Variants in SIL1 observed in about 807,000 individuals in gnomAD.
SIL1 encodes nucleotide exchange factor SIL1.
SIL1 carries 40 observed loss-of-function variants against 49.1 expected under a neutral mutation model. That is an observed-to-expected ratio of 0.81 (90% CI 0.63 to 1.06). The LOEUF is 1.06. SIL1 is among the 50% of genes least tolerant of loss of function. The pLI is 0.00. For missense variants in SIL1, 500 were observed against 572.6 expected (o/e 0.87, Z 1.29); for synonymous variants, 253 against 250.8 (o/e 1.01, Z -0.08).
chr5:138,961,191 A>T (rs1463749810), intron 7 of SIL1, among the ~76,000 whole-genome samples: 2 of 152,226 alleles, frequency 1.3e-5, no homozygotes, highest in Non-Finnish European at 2.9e-5. Context: ...AAACCAGAAC[A>T]GTTGCCCATT....
chr5:139,098,779 T>G (rs1374388374), intron 3 of SIL1, among the ~76,000 whole-genome samples: 3 of 147,246 alleles, frequency 2.0e-5, no homozygotes, highest in Non-Finnish European at 4.5e-5. Context: ...CAAAAAAATG[T>G]GCAAAAGATT....
At chr5:139,004,308 T>A (rs1312988947) in intron 7 of SIL1, among the ~76,000 whole-genome samples, 1 of 152,172 alleles carries the variant, frequency 6.6e-6, no homozygotes, top group East Asian at 1.9e-4. Flanking sequence ...GCCTCTGTTT[T>A]TATAACCCAG....
In SIL1 at chr5:138,996,777, C is replaced by T. The variant is rs190964626; in HGVS notation, c.767+24394G>A. ...TTGTGATCCGCCTGCCTCGACCTCC[C>T]AAAGTGCTGGGATTACAGGTGTGAG... On this transcript the variant is annotated intron_variant, in intron 7 of 9. Coordinates refer to ENST00000394817, the MANE Select transcript of SIL1 (RefSeq NM_022464.5). 4.0e-3 allele frequency among the ~76,000 whole-genome samples: 609 copies of T among 152,158 alleles called. 6 individuals carry two copies. The highest frequency in any genetic ancestry group is 9.6e-3 in the African/African-American group (398 of 41,522).
At chr5:138,976,313 T>TC in intron 7 of SIL1, among the ~76,000 whole-genome samples, 1 of 148,048 alleles carries the variant, frequency 6.8e-6, no homozygotes, top group East Asian at 1.9e-4. Flanking sequence ...TACCTCTCTT[T>TC]TTTTTTTTTT....
At chr5:138,971,180 C>G (rs1052618055) in intron 7 of SIL1, among the ~76,000 whole-genome samples, 1 of 152,110 alleles carries the variant, frequency 6.6e-6, no homozygotes, top group Non-Finnish European at 1.5e-5. Context: ...AGACCAAAAA[C>G]AACATAAATC....
intron 1 of SIL1, among the ~76,000 whole-genome samples, chr5:139,172,627 G>C (rs1356054874): frequency 8.4e-6 from 1 of 119,134 alleles, no homozygotes; most frequent in Non-Finnish European, 1.9e-5. Flanking sequence ...GTGAGACTCC[G>C]TCTCAAAAAA....
At chr5:139,175,817 A>G (rs923772463) in intron 1 of SIL1, among the ~76,000 whole-genome samples, 1 of 151,950 alleles carries the variant, frequency 6.6e-6, no homozygotes, top group Non-Finnish European at 1.5e-5. Context: ...ACAAAAATCA[A>G]CTGAGCGTGG....
chr5:139,123,508 T>G (rs1365202601), intron 2 of SIL1, among the ~76,000 whole-genome samples: 1 of 152,204 alleles, frequency 6.6e-6, no homozygotes, highest in Non-Finnish European at 1.5e-5. Context: ...CTGAGTCTGC[T>G]CCAGGTACTT....
chr5:139,154,520 G>C (rs1033395331), intron 1 of SIL1, among the ~76,000 whole-genome samples: 1 of 152,212 alleles, frequency 6.6e-6, no homozygotes, highest in Non-Finnish European at 1.5e-5. Context: ...ACAATGCTGT[G>C]CACGCTCTGT....
intron 7 of SIL1, among the ~76,000 whole-genome samples, chr5:138,959,701 G>T (rs1480274098): frequency 6.6e-6 from 1 of 152,180 alleles, no homozygotes; most frequent in Non-Finnish European, 1.5e-5. Context: ...ATGGGACCCT[G>T]TTCCACTTAC....
chr5:139,089,095 T>C (rs957060772), intron 3 of SIL1, among the ~76,000 whole-genome samples: 6 of 152,218 alleles, frequency 3.9e-5, no homozygotes, highest in African/African-American at 1.4e-4. Context: ...CTCTAGTATA[T>C]ACGGTTGGAA....
chr5:138,953,443 C>G (rs556182804), intron 7 of SIL1: 4 of 152,446 alleles, frequency 2.6e-5, no homozygotes, highest in African/African-American at 4.8e-5. Flanking sequence ...CAGAGCAGAC[C>G]GAGCACGCTG....
At chr5:139,101,000 G>A (rs1043769513) in intron 3 of SIL1, among the ~76,000 whole-genome samples, 2 of 151,926 alleles carry the variant, frequency 1.3e-5, no homozygotes, top group African/African-American at 2.4e-5. Context: ...AACGCCTTAA[G>A]TGTAGACAGA....
chr5:139,111,752 T>G (rs982531546), intron 3 of SIL1, among the ~76,000 whole-genome samples: 5 of 152,222 alleles, frequency 3.3e-5, no homozygotes, highest in African/African-American at 9.6e-5. Context: ...TCATCTTTCT[T>G]CATCTCCTCA....
At chr5:139,149,235 C>T (rs991343223) in intron 1 of SIL1, among the ~76,000 whole-genome samples, 2 of 152,158 alleles carry the variant, frequency 1.3e-5, no homozygotes, top group African/African-American at 4.8e-5. Context: ...AACAGTCACG[C>T]CAATCTGGAA....
intron 9 of SIL1, 88 bp downstream of exon 9, chr5:138,951,083 G>A (rs955569738): frequency 4.2e-5 from 61 of 1,435,832 alleles, no homozygotes; most frequent in African/African-American, 5.7e-5. Flanking sequence ...AACAAGTGAC[G>A]TCCGCAGTCT....
At chr5:138,974,289 C>G (rs748538123) in intron 7 of SIL1, among the ~76,000 whole-genome samples, 25 of 152,172 alleles carry the variant, frequency 1.6e-4, no homozygotes, top group Non-Finnish European at 2.8e-4. Flanking sequence ...TCACCTCCCC[C>G]AACTTGCCAT....
intron 1 of SIL1, among the ~76,000 whole-genome samples, chr5:139,162,821 G>A (rs1426543485): frequency 6.6e-6 from 1 of 152,026 alleles, no homozygotes; most frequent in African/African-American, 2.4e-5. Context: ...ACGTTCTAGT[G>A]GAGGGAAAAC....
intron 3 of SIL1, among the ~76,000 whole-genome samples, chr5:139,056,558 C>T (rs1272919207): frequency 6.6e-6 from 1 of 150,390 alleles, no homozygotes; most frequent in African/African-American, 2.5e-5. Context: ...GGGGGGTCAG[C>T]CCCCCGACCG....
Sources: allele counts gnomAD v4.1 joint callset (sites outside exome capture counted in the v4.1 genomes callset), GRCh38; gene constraint gnomAD v4.1.1; transcripts MANE v1.5; gene names NCBI Gene and HGNC (gene_info 2026-07-23, HGNC 2026-07-21).